MINDY2: variants seen among roughly 807,000 people sequenced by gnomAD.
MINDY2 encodes ubiquitin carboxyl-terminal hydrolase MINDY-2.
Under a neutral mutation model 68.2 loss-of-function variants are expected in MINDY2, and 52 were observed. The observed-to-expected ratio is 0.76, with a 90% CI of 0.61 to 0.96. The LOEUF (loss-of-function observed/expected upper bound fraction) is 0.96. Among genes scored for constraint, MINDY2 ranks in the 40% least tolerant of loss-of-function variants. The pLI is 0.00. For missense variants in MINDY2, 881 were observed against 773.4 expected, an observed-to-expected ratio of 1.14 and a Z score of -1.65; for synonymous variants, 372 against 303.0, an observed-to-expected ratio of 1.23 and a Z score of -2.36.
intron 7 of MINDY2, among the ~76,000 whole-genome samples, chr15:58,851,185 G>A (rs2032792905): frequency 6.6e-6 from 1 of 151,490 alleles, no homozygotes. Context: ...TGTTGGCCAG[G>A]GTGGTCTCGA....
At chr15:58,776,532 T>C (rs1900785600) in intron 1 of MINDY2, among the ~76,000 whole-genome samples, 1 of 152,180 alleles carries the variant, frequency 6.6e-6, no homozygotes. Context: ...ATTACTATTG[T>C]CAAATGCAGC....
chr15:58,782,336 C>T (rs1025528714), intron 1 of MINDY2, among the ~76,000 whole-genome samples: 7 of 152,034 alleles, frequency 4.6e-5, no homozygotes, highest in African/African-American at 1.2e-4. Context: ...TTATTTAGTG[C>T]GTCCATTTTG....
At chr15:58,842,945 C>G (rs2032351975) in intron 6 of MINDY2, among the ~76,000 whole-genome samples, 1 of 152,102 alleles carries the variant, frequency 6.6e-6, no homozygotes, top group East Asian at 1.9e-4. Flanking sequence ...GCTTCACTGC[C>G]TCTCTGGGTG....
chr15:58,812,657 C>T (rs1284128616), intron 4 of MINDY2, among the ~76,000 whole-genome samples: 1 of 152,092 alleles, frequency 6.6e-6, no homozygotes, highest in East Asian at 1.9e-4. Context: ...CCCAGGAATT[C>T]AAGACTAGCC....
intron 1 of MINDY2, among the ~76,000 whole-genome samples, chr15:58,785,151 A>G (rs1014757554): frequency 7.8e-5 from 11 of 140,300 alleles, no homozygotes; most frequent in Middle Eastern, 3.6e-3. Flanking sequence ...AAAAAAAAAA[A>G]AAAAAAAGAA....
In MINDY2 at chr15:58,771,432, C is replaced by G; in HGVS notation, c.37C>G (p.His13Asp). Residue 13 changes from histidine (H) to aspartate (D), a missense_variant, in exon 1 of 9, where the codon CAC (histidine) becomes GAC (aspartate). By Grantham distance (81) the His-to-Asp change is moderately conservative. Coordinates refer to ENST00000559228, the MANE Select transcript of MINDY2 (RefSeq NM_001040450.3). The stretch of plus-strand genomic sequence containing the variant: ...CCCCGAGAGCCTGCAGCCGCTAGAA[C>G]ACGGGGTGGCGGCCGGGCCAGCGTC... ...SSPESLQPLE[H>D]GVAAGPASGT... The G allele has an allele frequency of 6.2e-7, 1 of 1,612,142 alleles. No homozygotes were observed. Among genetic ancestry groups the G allele is most frequent in the Non-Finnish European group, 8.5e-7 (1 of 1,179,682 alleles).
chr15:58,857,212 A>G lies in MINDY2; in HGVS notation c.*2602A>G, dbSNP rs1461144375. 6.6e-6 allele frequency: 1 copy of G among 152,190 alleles called. No homozygotes were observed. Among genetic ancestry groups the G allele is most frequent in the Non-Finnish European group, 1.5e-5 (1 of 68,034 alleles). The allele number at this position is 152,190 out of a possible 1,614,324, so 9.4% of individuals were successfully genotyped here. A position where few individuals can be genotyped will look rare whatever the true frequency, so the allele number is the denominator to read the frequency against. Reference sequence around the variant, plus strand: ...TGAAATGTTCAATTGTATTAAAACAAACAAGCTTTTCAGAGATACTGGTTT... The same window carrying G: ...TGAAATGTTCAATTGTATTAAAACAGACAAGCTTTTCAGAGATACTGGTTT... On this transcript the variant is annotated 3_prime_UTR_variant, in exon 9 of 9. Coordinates refer to ENST00000559228, the MANE Select transcript of MINDY2 (RefSeq NM_001040450.3).
chr15:58,797,798 A>G (rs570697288), intron 2 of MINDY2, among the ~76,000 whole-genome samples: 1 of 152,164 alleles, frequency 6.6e-6, no homozygotes, highest in Non-Finnish European at 1.5e-5. Flanking sequence ...CTCTTTTGCC[A>G]TGAGTTCTGC....
intron 3 of MINDY2, among the ~76,000 whole-genome samples, chr15:58,807,968 G>C (rs929100897): frequency 4.0e-5 from 6 of 151,868 alleles, no homozygotes; most frequent in Non-Finnish European, 7.4e-5. Context: ...AAGGAGGCCT[G>C]TCTCCCTCAC....
At chr15:58,801,967 G>A (rs1435756693) in intron 2 of MINDY2, among the ~76,000 whole-genome samples, 1 of 152,184 alleles carries the variant, frequency 6.6e-6, no homozygotes, top group African/African-American at 2.4e-5. Flanking sequence ...ACATTTAGAA[G>A]ACTGATAATA....
chr15:58,841,776 T>G (rs1194865149), intron 6 of MINDY2, among the ~76,000 whole-genome samples: 1 of 152,208 alleles, frequency 6.6e-6, no homozygotes, highest in East Asian at 1.9e-4. Context: ...AGAGAGCAAA[T>G]GCTTTCCTGT....
chr15:58,827,092 T>G (rs544129721), intron 5 of MINDY2, among the ~76,000 whole-genome samples: 1 of 152,222 alleles, frequency 6.6e-6, no homozygotes, highest in Non-Finnish European at 1.5e-5. Flanking sequence ...GTAGGTGACA[T>G]TGTGTCTTTC....
Position 58,801,380 on chromosome 15 carries a change from TAAAAA to T in MINDY2, c.899-908_899-904del, listed in dbSNP as rs1188514448. On this transcript the variant is annotated intron_variant, in intron 2 of 8. Coordinates refer to ENST00000559228, the MANE Select transcript of MINDY2 (RefSeq NM_001040450.3). ...TGCAACATGGCAAGACCCCATCTCT[TAAAAA>T]AAAAAAAAAAAAAAAAAAAAAAAAG... 6.2e-4 allele frequency among the ~76,000 whole-genome samples: 14 copies of T among 22,616 alleles called. 1 individual carries two copies. The highest frequency in any genetic ancestry group is 3.9e-3 in the Admixed American group (4 of 1,038). The allele number at this position is 22,616 out of a possible 152,430, so 14.8% of individuals were successfully genotyped here. A position where few individuals can be genotyped will look rare whatever the true frequency, so the allele number is the denominator to read the frequency against.
chr15:58,848,758 A>G (rs2032664063), intron 7 of MINDY2, among the ~76,000 whole-genome samples: 1 of 152,238 alleles, frequency 6.6e-6, no homozygotes, highest in South Asian at 2.1e-4. Flanking sequence ...AACAAAAAAA[A>G]GAATATTTAA....
chr15:58,801,742 C>G (rs894327344), intron 2 of MINDY2, among the ~76,000 whole-genome samples: 4 of 152,104 alleles, frequency 2.6e-5, no homozygotes, highest in Admixed American at 2.6e-4. Flanking sequence ...CAGGTTCAAG[C>G]GATTCTTCTG....
intron 7 of MINDY2, among the ~76,000 whole-genome samples, chr15:58,851,090 T>TA (rs1332298817): frequency 6.6e-6 from 1 of 152,102 alleles, no homozygotes; most frequent in Non-Finnish European, 1.5e-5. Context: ...TTTCCTGCCT[T>TA]AGCTTCCCAA....
At chr15:58,800,555 G>C (rs1354143277) in intron 2 of MINDY2, among the ~76,000 whole-genome samples, 1 of 151,966 alleles carries the variant, frequency 6.6e-6, no homozygotes, top group Non-Finnish European at 1.5e-5. Context: ...CTGTTCGTGT[G>C]ACATGATCTT....
intron 5 of MINDY2, among the ~76,000 whole-genome samples, chr15:58,829,112 C>T (rs1388442482): frequency 1.3e-5 from 2 of 152,086 alleles, no homozygotes; most frequent in African/African-American, 4.8e-5. Context: ...TGCTGTGTAA[C>T]ACTTACAGTT....
chr15:58,783,983 G>A lies in MINDY2; in HGVS notation c.841-3923G>A, dbSNP rs949878322. Among the ~76,000 whole-genome samples, 17 of 151,858 alleles carry A rather than the reference G, an allele frequency of 1.1e-4. 2 individuals are homozygous for A. The South Asian group carries it at 1.9e-3, about 17-fold the overall frequency. ...ACCTTATAATGGAATATTTGGAGTC[G>A]GAGTAGCTATTTTCTTTTATTAATT... On this transcript the variant is annotated intron_variant, in intron 1 of 8. Transcript: ENST00000559228.
Sources: allele counts gnomAD v4.1 joint callset (sites outside exome capture counted in the v4.1 genomes callset), GRCh38; gene constraint gnomAD v4.1.1; transcripts MANE v1.5; gene names NCBI Gene and HGNC (gene_info 2026-07-23, HGNC 2026-07-21).